The following PLA2G4C variants were observed in gnomAD, a reference collection of about 807,000 sequenced individuals.
PLA2G4C encodes the protein cytosolic phospholipase A2 gamma.
A neutral mutation model predicts 73.8 loss-of-function variants in PLA2G4C; 64 were observed. The observed-to-expected ratio is 0.87, with a 90% CI of 0.71 to 1.07. The LOEUF is 1.07. PLA2G4C is among the 50% of genes least tolerant of loss of function. The pLI, the probability that PLA2G4C is intolerant of heterozygous loss-of-function variation, is 0.00. For missense variants in PLA2G4C, 622 were observed against 665.4 expected (o/e 0.93, Z 0.72); for synonymous variants, 254 against 252.1 (o/e 1.01, Z -0.07).
intron 4 of PLA2G4C, chr19:48,100,097 C>T (rs768605057): frequency 9.1e-5 from 40 of 437,986 alleles, no homozygotes; most frequent in Middle Eastern, 6.0e-4. Flanking sequence ...AATGAGAGCA[C>T]GATGGGAGAA....
At chr19:48,052,888 C>A (rs781055117) in intron 16 of PLA2G4C, 109 bp downstream of exon 16, 4 of 1,175,206 alleles carry the variant, frequency 3.4e-6, no homozygotes, top group Non-Finnish European at 4.8e-6. Flanking sequence ...GGAGACACTG[C>A]CTATCTTTTT....
Position 48,048,307 on chromosome 19 carries a change from C to G in PLA2G4C, c.*36G>C, listed in dbSNP as rs772248895. 9.6e-6 allele frequency: 15 copies of G among 1,564,518 alleles called. No individual in the cohort carries two copies. Among genetic ancestry groups the G allele is most frequent in the Non-Finnish European group, 1.3e-5 (15 of 1,147,642 alleles). ...GGTGGACATCAGGGCCCTAGTAGACCAACAGGCCCACAGTGCCCTGGAAGC... is the reference window on the plus strand; with the variant it reads ...GGTGGACATCAGGGCCCTAGTAGACGAACAGGCCCACAGTGCCCTGGAAGC... On this transcript the variant is annotated 3_prime_UTR_variant, in exon 17 of 17. Coordinates refer to ENST00000599921, the MANE Select transcript of PLA2G4C (RefSeq NM_003706.3).
In PLA2G4C at chr19:48,099,829, C is replaced by T; in HGVS notation, c.289G>A (p.Asp97Asn). Residue 97 changes from aspartate to asparagine, a missense_variant, in exon 5 of 17, where the codon GAC becomes AAC. Coordinates refer to ENST00000599921, the MANE Select transcript of PLA2G4C (RefSeq NM_003706.3). ...AISSLYTNDG[D>N]MEALEADLKH... ...AGGTCAGCCTCGAGAGCTTCCATGT[C>T]ACCATCATTGGTGTAGAGAGAAGAT... The T allele has an allele frequency of 6.2e-7, 1 of 1,613,756 alleles. No individual in the cohort carries two copies.
chr19:48,064,575 T>C (rs1310114101), intron 13 of PLA2G4C, among the ~76,000 whole-genome samples: 1 of 152,198 alleles, frequency 6.6e-6, no homozygotes, highest in East Asian at 1.9e-4. Flanking sequence ...TAGTAAACAT[T>C]ATGAATCTGT....
At chr19:48,058,067 G>T (rs887505608) in intron 14 of PLA2G4C, among the ~76,000 whole-genome samples, 1 of 151,828 alleles carries the variant, frequency 6.6e-6, no homozygotes, top group Non-Finnish European at 1.5e-5. Context: ...GGGAGGCTGA[G>T]GTGGGCAGAT....
intron 16 of PLA2G4C, 147 bp from the exon 17 acceptor site, chr19:48,048,535 C>G (rs757788785): frequency 7.4e-6 from 4 of 542,630 alleles, no homozygotes; most frequent in Non-Finnish European, 1.3e-5. Flanking sequence ...ATTGAGAAGA[C>G]CTGGAGCTCC....
At chr19:48,107,898 C>T (rs569300921) in intron 1 of PLA2G4C, among the ~76,000 whole-genome samples, 2 of 152,332 alleles carry the variant, frequency 1.3e-5, no homozygotes, top group South Asian at 2.1e-4. Flanking sequence ...TCTCTCTCTA[C>T]GCCTTGGCTA....
Position 48,110,532 on chromosome 19 carries a change from G to A in PLA2G4C, c.-78C>T. On this transcript the variant is annotated 5_prime_UTR_variant, in exon 1 of 17. Coordinates refer to ENST00000599921, the MANE Select transcript of PLA2G4C (RefSeq NM_003706.3). Reference sequence around the variant, plus strand: ...TGTGCGCATGCGCGGTGGAGCTTGTGCTCCGGAATCCGGTGCGGAGGCTTG... The same window carrying A: ...TGTGCGCATGCGCGGTGGAGCTTGTACTCCGGAATCCGGTGCGGAGGCTTG... 1.4e-6 allele frequency: 2 copies of A among 1,480,170 alleles called. No individual in the cohort carries two copies. The highest frequency in any genetic ancestry group is 1.8e-6 in the Non-Finnish European group (2 of 1,114,524). 91.7% of individuals were successfully genotyped at this position (1,480,170 alleles called of 1,614,324 possible).
Position 48,059,039 on chromosome 19 carries a change from G to C in PLA2G4C, c.1257+2959C>G, listed in dbSNP as rs182945287. 4.8e-3 allele frequency among the ~76,000 whole-genome samples: 728 copies of C among 152,150 alleles called. 6 individuals carry two copies. Among genetic ancestry groups the C allele is most frequent in the African/African-American group, 0.017 (705 of 41,516 alleles). ...TGTAATCCCTGCACTTTGGGAGGCC[G>C]AGGCGGGCAGATCACAAGGTCAGGA... On this transcript the variant is annotated intron_variant, in intron 14 of 16. Transcript: ENST00000599921.
intron 7 of PLA2G4C, among the ~76,000 whole-genome samples, chr19:48,092,985 C>T (rs156629): frequency 0.3 from 45,225 of 151,922 alleles, 7,199 homozygotes; most frequent in African/African-American, 0.38. Flanking sequence ...ATAAAATACA[C>T]GTACAGAATC....
At chr19:48,105,861 TCCTCCTTCCTTCCTTCCC>T (rs1266919777) in intron 2 of PLA2G4C, among the ~76,000 whole-genome samples, 2 of 70,410 alleles carry the variant, frequency 2.8e-5, no homozygotes, top group Non-Finnish European at 5.9e-5. Flanking sequence ...CTTCCTTCCT[TCCTCCTTCCTTCCTTCCC>T]TCCTTCTTTC....
Position 48,110,659 on chromosome 19 carries a change from C to G in PLA2G4C, c.-205G>C, listed in dbSNP as rs1183434943. 2 of 461,726 alleles carry G rather than the reference C, an allele frequency of 4.3e-6. No homozygotes were observed. Among genetic ancestry groups the G allele is most frequent in the South Asian group, 8.0e-5 (2 of 24,852 alleles). 28.6% of individuals were successfully genotyped at this position (461,726 alleles called of 1,614,324 possible). A position where few individuals can be genotyped will look rare whatever the true frequency, so the allele number is the denominator to read the frequency against. On this transcript the variant is annotated 5_prime_UTR_variant, in exon 1 of 17. Coordinates refer to ENST00000599921, the MANE Select transcript of PLA2G4C (RefSeq NM_003706.3). ...CCTCGGTGCCAAAGCTTCTGTGGTC[C>G]TCCTGCTTTCCTTTTCCCCCTGTGG...
At chr19:48,094,452 T>C (rs1027820876) in intron 7 of PLA2G4C, among the ~76,000 whole-genome samples, 7 of 152,220 alleles carry the variant, frequency 4.6e-5, no homozygotes, top group Non-Finnish European at 7.3e-5. Context: ...GCTAAAATCA[T>C]GGAGAGTCAA....
At chr19:48,087,257 C>A (rs2031032247) in intron 9 of PLA2G4C, among the ~76,000 whole-genome samples, 4 of 152,178 alleles carry the variant, frequency 2.6e-5, no homozygotes, top group African/African-American at 9.7e-5. Context: ...AAGCCCACAG[C>A]TCTAACCCAA....
At chr19:48,084,040 T>TTGTGTGTGTGTGTG (rs71181645) in intron 10 of PLA2G4C, among the ~76,000 whole-genome samples, 2,716 of 139,170 alleles carry the variant, frequency 0.02, 47 homozygotes, top group East Asian at 0.033. Flanking sequence ...AATGCCAATT[T>TTGTGTGTGTGTGTG]TGTGTGTGTG....
In PLA2G4C at chr19:48,062,115, G is replaced by A; in HGVS notation, c.1140C>T (p.His380=). The A allele has an allele frequency of 6.2e-7, 1 of 1,606,508 alleles. No individual in the cohort carries two copies. Among genetic ancestry groups the A allele is most frequent in the Non-Finnish European group, 8.5e-7 (1 of 1,175,982 alleles). ...CTAAACCAGCATCCACCAGGTGGAG[G>A]TGCTTCCGGCTGCTCATTATCTTGT... ...IRDKIMSSRK[H]LHLVDAGLAI... Residue 380 remains histidine (H), a synonymous_variant, in exon 14 of 17, where the codon CAC becomes CAT. Transcript: ENST00000599921.
chr19:48,099,748 T>G lies in PLA2G4C; in HGVS notation c.370A>C (p.Ile124Leu). ...TAATTCTCAGACCTCGCTGCTTGGA[T>G]GGTTTTCTGTAGGCTCTTAGCCAAG... ...WDLAKSLQKTIQAARSENYSL... is the reference protein window; with the variant it reads ...WDLAKSLQKTLQAARSENYSL... The change falls in exon 5 of 17, where the codon ATC becomes CTC. Residue 124 changes from isoleucine (I) to leucine (L), a missense_variant. By Grantham distance (5) the Ile-to-Leu change is conservative. Transcript: ENST00000599921. 6.2e-7 allele frequency: 1 copy of G among 1,614,108 alleles called. No individual in the cohort carries two copies. The highest frequency in any genetic ancestry group is 8.5e-7 in the Non-Finnish European group (1 of 1,179,998).
At chr19:48,056,832 C>CAAAAAAAA (rs34317694) in intron 14 of PLA2G4C, among the ~76,000 whole-genome samples, 3 of 83,666 alleles carry the variant, frequency 3.6e-5, no homozygotes, top group Non-Finnish European at 6.5e-5. Context: ...GACTCTGTCT[C>CAAAAAAAA]AAAAAAAAAA....
chr19:48,064,714 A>G (rs1968344339), intron 13 of PLA2G4C: 1 of 152,128 alleles, frequency 6.6e-6, no homozygotes, highest in Non-Finnish European at 1.5e-5. Flanking sequence ...TGCCTCTCAC[A>G]CATCTGCATG....
Sources: allele counts gnomAD v4.1 joint callset (sites outside exome capture counted in the v4.1 genomes callset), GRCh38; gene constraint gnomAD v4.1.1; transcripts MANE v1.5; gene names NCBI Gene and HGNC (gene_info 2026-07-23, HGNC 2026-07-21).